The following PKN2 variants were observed in gnomAD, a reference collection of about 807,000 sequenced individuals.
PKN2 encodes the protein serine/threonine-protein kinase N2.
In PKN2, 38 loss-of-function variants were observed where a neutral mutation model predicts 119.1. The observed-to-expected ratio is 0.32, with a 90% CI of 0.25 to 0.42. The LOEUF (loss-of-function observed/expected upper bound fraction) is 0.42. Ranked by LOEUF, PKN2 falls within the 10% of genes least tolerant of loss-of-function variation. The probability of loss-of-function intolerance (pLI) is 1.00; values close to 1 mark genes in which losing one functional copy is unlikely to be tolerated. For missense variants in PKN2, 850 were observed against 1,165.1 expected (o/e 0.73, Z 3.94); for synonymous variants, 390 against 384.9 (o/e 1.01, Z -0.15).
chr1:88,819,412 A>G (rs902613657), intron 16 of PKN2, among the ~76,000 whole-genome samples: 10 of 152,224 alleles, frequency 6.6e-5, no homozygotes, highest in African/African-American at 2.4e-4. Context: ...CATATGAAAA[A>G]AAGCTCATCA....
intron 8 of PKN2, among the ~76,000 whole-genome samples, chr1:88,802,860 A>G (rs371517123): frequency 6.6e-6 from 1 of 152,342 alleles, no homozygotes; most frequent in South Asian, 2.1e-4. Context: ...TTCCTGATGC[A>G]TAACAAGTCT....
intron 4 of PKN2, 67 bp downstream of exon 4, chr1:88,770,536 G>A (rs1349162544): frequency 2.4e-6 from 2 of 850,452 alleles, no homozygotes; most frequent in Non-Finnish European, 4.0e-6. Flanking sequence ...GCAGGAACAG[G>A]GCAGTGGTTC....
At position 88,705,429 on chromosome 1, in the gene PKN2, G is replaced by A. The variant is rs1422445269; in HGVS notation, c.48+20801G>A. Among the ~76,000 whole-genome samples the A allele has an allele frequency of 3.3e-5, 5 of 152,004 alleles. No homozygotes were observed. The South Asian group carries it at 8.3e-4, about 25-fold the overall frequency. On this transcript the variant is annotated intron_variant, in intron 1 of 21. Coordinates refer to ENST00000370521, the MANE Select transcript of PKN2 (RefSeq NM_006256.4). ...TATATTCTTGGCTGGGCACGGTGGTGCACACCTGTAATCCCAGCACTCTGG... is the reference window on the plus strand; with the variant it reads ...TATATTCTTGGCTGGGCACGGTGGTACACACCTGTAATCCCAGCACTCTGG...
At chr1:88,782,649 A>AT (rs1273556470) in intron 6 of PKN2, among the ~76,000 whole-genome samples, 3 of 151,508 alleles carry the variant, frequency 2.0e-5, no homozygotes, top group African/African-American at 7.3e-5. Context: ...AGATATTGCC[A>AT]TTTTTTAATC....
In PKN2 at chr1:88,691,332, T is replaced by C. The variant is rs142475953; in HGVS notation, c.48+6704T>C. 3.5e-3 allele frequency among the ~76,000 whole-genome samples: 535 copies of C among 152,304 alleles called. 1 individual carries two copies. Among genetic ancestry groups the C allele is most frequent in the Non-Finnish European group, 6.4e-3 (434 of 68,030 alleles). ...CACCTGCCTTGGCCTCCCAAAGTGC[T>C]AGGATTACAGATGTGAGCGTCTGTG... On this transcript the variant is annotated intron_variant, in intron 1 of 21. Transcript: ENST00000370521.
intron 16 of PKN2, among the ~76,000 whole-genome samples, chr1:88,817,993 T>A (rs1473059664): frequency 6.6e-6 from 1 of 152,066 alleles, no homozygotes; most frequent in Non-Finnish European, 1.5e-5. Flanking sequence ...CAGCGCAAAA[T>A]CTCCTTAAGC....
intron 18 of PKN2, among the ~76,000 whole-genome samples, chr1:88,825,641 C>T (rs568429607): frequency 6.6e-6 from 1 of 152,310 alleles, no homozygotes; most frequent in South Asian, 2.1e-4. Flanking sequence ...GCTCCTTTCA[C>T]CCATTATCTT....
chr1:88,765,232 T>C (rs1322001453), intron 3 of PKN2, among the ~76,000 whole-genome samples: 1 of 150,618 alleles, frequency 6.6e-6, no homozygotes, highest in Admixed American at 6.6e-5. Context: ...CCCAGCCTTG[T>C]CTCCTGTTTA....
At chr1:88,699,271 C>T (rs1342633094) in intron 1 of PKN2, among the ~76,000 whole-genome samples, 1 of 152,124 alleles carries the variant, frequency 6.6e-6, no homozygotes, top group Non-Finnish European at 1.5e-5. Flanking sequence ...TTTCTTTCGG[C>T]TCACTAACTT....
chr1:88,714,710 A>G (rs1053114400), intron 1 of PKN2, among the ~76,000 whole-genome samples: 1 of 152,196 alleles, frequency 6.6e-6, no homozygotes, highest in Admixed American at 6.5e-5. Flanking sequence ...CAATCTTGTC[A>G]TCTGCAAACA....
chr1:88,829,446 A>T (rs1570696169), intron 19 of PKN2: 1 of 215,074 alleles, frequency 4.6e-6, no homozygotes, highest in East Asian at 1.1e-4. Context: ...AAAAAATGAA[A>T]GAAGTGTTAC....
chr1:88,747,013 G>A (rs895770711), intron 2 of PKN2, among the ~76,000 whole-genome samples: 13 of 152,118 alleles, frequency 8.5e-5, no homozygotes. Flanking sequence ...AAGACAAATA[G>A]CTAATGATCT....
At chr1:88,761,953 C>T (rs1260929034) in intron 3 of PKN2, among the ~76,000 whole-genome samples, 9 of 151,778 alleles carry the variant, frequency 5.9e-5, no homozygotes, top group African/African-American at 9.7e-5. Context: ...CCTGGAACTG[C>T]GATTTTAGCA....
Position 88,802,832 on chromosome 1 carries a change from G to A in PKN2, c.1282-1559G>A, listed in dbSNP as rs548351405. The stretch of plus-strand genomic sequence containing the variant: ...AACAAGTATTAATTCTGTCTCTAGC[G>A]TATGTGCATCTTGCATCTTCCTGAT... On this transcript the variant is annotated intron_variant, in intron 8 of 21. Coordinates refer to ENST00000370521, the MANE Select transcript of PKN2 (RefSeq NM_006256.4). 1.6e-4 allele frequency among the ~76,000 whole-genome samples: 25 copies of A among 152,250 alleles called. No homozygotes were observed. The East Asian group carries it at 1.7e-3, about 11-fold the overall frequency.
At chr1:88,816,068 A>G (rs1671976880) in intron 16 of PKN2, among the ~76,000 whole-genome samples, 1 of 152,096 alleles carries the variant, frequency 6.6e-6, no homozygotes, top group African/African-American at 2.4e-5. Context: ...TGAACCCCAG[A>G]GGCAGAGGTT....
At chr1:88,763,947 A>G (rs148844513) in intron 3 of PKN2, among the ~76,000 whole-genome samples, 51 of 152,320 alleles carry the variant, frequency 3.3e-4, no homozygotes, top group African/African-American at 1.1e-3. Flanking sequence ...AAAATTGCCA[A>G]CAGAACTCTG....
chr1:88,752,019 G>A (rs960573094), intron 2 of PKN2, among the ~76,000 whole-genome samples: 1 of 151,968 alleles, frequency 6.6e-6, no homozygotes, highest in African/African-American at 2.4e-5. Context: ...CGTAGATTTC[G>A]TTTCATTTGA....
At chr1:88,784,967 G>A (rs1670513503) in intron 7 of PKN2, 143 bp downstream of exon 7, 6 of 466,746 alleles carry the variant, frequency 1.3e-5, no homozygotes, top group South Asian at 5.5e-5. Context: ...TGTGATGTCA[G>A]GAAACAAAAA....
At chr1:88,731,344 A>T (rs1010716467) in intron 1 of PKN2, among the ~76,000 whole-genome samples, 1 of 152,210 alleles carries the variant, frequency 6.6e-6, no homozygotes, top group Admixed American at 6.5e-5. Flanking sequence ...AGAGAAGAAG[A>T]AATGTGTTCT....
Sources: allele counts gnomAD v4.1 joint callset (sites outside exome capture counted in the v4.1 genomes callset), GRCh38; gene constraint gnomAD v4.1.1; transcripts MANE v1.5; gene names NCBI Gene and HGNC (gene_info 2026-07-23, HGNC 2026-07-21).